IKBKB: variants seen among roughly 807,000 people sequenced by gnomAD.
IKBKB encodes the protein inhibitor of nuclear factor kappa B kinase subunit beta.
A neutral mutation model predicts 113.6 loss-of-function variants in IKBKB; 42 were observed. The ratio of observed to expected loss-of-function variants is 0.37; its 90% CI spans 0.29 to 0.48. The LOEUF (loss-of-function observed/expected upper bound fraction) is 0.48, where lower values mean the gene tolerates loss of function less well. Ranked by LOEUF, IKBKB falls within the 20% of genes least tolerant of loss-of-function variation. IKBKB has a pLI of 0.99. For synonymous variants in IKBKB, 296 were observed against 361.3 expected (o/e 0.82, Z 2.05); for missense variants, 673 against 939.7 (o/e 0.72, Z 3.71).
At chr8:42,328,260 T>TC (rs1821197549) in intron 20 of IKBKB, among the ~76,000 whole-genome samples, 1 of 151,570 alleles carries the variant, frequency 6.6e-6, no homozygotes, top group Non-Finnish European at 1.5e-5. Context: ...TTTTTTTTTT[T>TC]TTTTTTTTAA....
At chr8:42,280,686 T>C (rs1334752787) in intron 2 of IKBKB, among the ~76,000 whole-genome samples, 1 of 152,128 alleles carries the variant, frequency 6.6e-6, no homozygotes, top group Non-Finnish European at 1.5e-5. Context: ...GATATCATCA[T>C]GTTCTGTGTA....
chr8:42,326,034 C>T lies in IKBKB; in HGVS notation c.2051C>T (p.Pro684Leu). ...ATGAATGCCTCTCGACTTAGCCAGC[C>T]TGGGCAGCTGATGTCTCAGCCCTCC... Reference protein sequence around the residue: ...DSMNASRLSQPGQLMSQPSTA... With the variant: ...DSMNASRLSQLGQLMSQPSTA... The change falls in exon 20 of 22, where the codon CCT becomes CTT. Residue 684 changes from proline (P) to leucine (L), a missense_variant. By Grantham distance (98) the Pro-to-Leu change is moderately conservative (BLOSUM62 -3). This residue lies in a region of IKBKB where 506 missense variants were observed against 638.7 expected (regional missense o/e 0.79). Coordinates refer to ENST00000520810, the MANE Select transcript of IKBKB (RefSeq NM_001556.3). 1.2e-6 allele frequency: 2 copies of T among 1,614,254 alleles called. No individual in the cohort carries two copies. The highest frequency in any genetic ancestry group is 1.7e-6 in the Non-Finnish European group (2 of 1,180,044).
intron 15 of IKBKB, 34 bp downstream of exon 15, chr8:42,319,680 A>G (rs547064414): frequency 1.3e-6 from 2 of 1,535,746 alleles, no homozygotes; most frequent in Non-Finnish European, 1.8e-6. Flanking sequence ...GGAACTTACC[A>G]AGGGGGTGAG....
chr8:42,325,885 G>A (rs769748740), intron 19 of IKBKB, 85 bp from the exon 20 acceptor site: 8 of 1,574,498 alleles, frequency 5.1e-6, no homozygotes, highest in South Asian at 4.7e-5. Context: ...CAGCCAGCCA[G>A]TTGTCTCCTA....
intron 2 of IKBKB, among the ~76,000 whole-genome samples, chr8:42,274,219 G>A (rs2130021318): frequency 6.6e-6 from 1 of 152,070 alleles, no homozygotes; most frequent in African/African-American, 2.4e-5. Context: ...TAGTAGAAAT[G>A]GGGTTTCACC....
At chr8:42,319,952 G>T (rs1327395624) in intron 15 of IKBKB, 1 of 322,662 alleles carries the variant, frequency 3.1e-6, no homozygotes, top group Non-Finnish European at 5.6e-6. Flanking sequence ...GCATTGGATG[G>T]ATGATCAACA....
At chr8:42,305,126 G>T in intron 5 of IKBKB, 61 bp from the exon 6 acceptor site, 1 of 1,068,338 alleles carries the variant, frequency 9.4e-7, no homozygotes, top group South Asian at 1.3e-5. Flanking sequence ...TGCAGGATAG[G>T]AGATTCTGTC....
chr8:42,277,165 G>A (rs1414367004), intron 2 of IKBKB, among the ~76,000 whole-genome samples: 1 of 147,524 alleles, frequency 6.8e-6, no homozygotes, highest in Non-Finnish European at 1.5e-5. Context: ...CACCGCACCC[G>A]GCCACGTGTG....
At chr8:42,304,880 G>A (rs910742748) in intron 5 of IKBKB, among the ~76,000 whole-genome samples, 3 of 152,206 alleles carry the variant, frequency 2.0e-5, no homozygotes, top group Non-Finnish European at 1.5e-5. Flanking sequence ...GGTGGAGCCC[G>A]AGAATTTCAC....
rs1357337578 is a variant in IKBKB, at chr8:42,316,186, C to T, written c.801-24C>T. 1.9e-6 allele frequency: 3 copies of T among 1,612,294 alleles called. No homozygotes were observed. Among genetic ancestry groups the T allele is most frequent in the East Asian group, 2.2e-5 (1 of 44,880 alleles). ...CCAACATTGGCTGGAAGTGTCTCCT[C>T]ACACACTATGCTCCTCTCCACAGTG... On this transcript the variant is annotated intron_variant, in intron 9 of 21. Transcript: ENST00000520810. The surrounding 1 kb of genome is among the most constrained non-coding windows in gnomAD (Gnocchi z 4.5).
rs1819898099 is a variant in IKBKB, at chr8:42,322,167, C to T, written c.1838+14C>T. ...TACGCAGCTCAGGTATGAGCCCCGA[C>T]CTTCCTGCTCTGGAGGAAGGACTGG... is the stretch of plus-strand genomic sequence containing the variant. On this transcript the variant is annotated intron_variant, in intron 18 of 21. Transcript: ENST00000520810. The T allele has an allele frequency of 1.0e-5, 16 of 1,606,158 alleles. No individual in the cohort carries two copies. In the East Asian group the frequency reaches 2.5e-4, roughly 25 times the overall value.
chr8:42,309,017 C>T lies in IKBKB; in HGVS notation c.684C>T (p.Pro228=), dbSNP rs776369340. Residue 228 remains proline, a synonymous_variant, in exon 8 of 22, where the codon CCC becomes CCT. Coordinates refer to ENST00000520810, the MANE Select transcript of IKBKB (RefSeq NM_001556.3). ...GGCCCTTCCTCCCCAACTGGCAGCCCGTGCAGTGGTGAGTGGGCCCGGGGC... is the reference window on the plus strand; with the variant it reads ...GGCCCTTCCTCCCCAACTGGCAGCCTGTGCAGTGGTGAGTGGGCCCGGGGC... ...GFRPFLPNWQ[P]VQWHSKVRQK... The T allele has an allele frequency of 1.5e-5, 24 of 1,613,604 alleles. No individual in the cohort carries two copies. The highest frequency in any genetic ancestry group is 4.4e-5 in the South Asian group (4 of 91,044).
At chr8:42,308,751 C>T in intron 7 of IKBKB, 150 bp from the exon 8 acceptor site, 2 of 682,140 alleles carry the variant, frequency 2.9e-6, no homozygotes, top group South Asian at 3.6e-5. Context: ...ACCCGCTAAA[C>T]ATGCCTGGGG....
At chr8:42,306,212 C>T (rs1232894069) in intron 6 of IKBKB, 131 bp from the exon 7 acceptor site, 1 of 619,120 alleles carries the variant, frequency 1.6e-6, no homozygotes, top group African/African-American at 1.8e-5. Context: ...TCTGGTGGCT[C>T]TTAGGAGTTT....
intron 15 of IKBKB, 113 bp downstream of exon 15, chr8:42,319,759 C>T (rs1367458533): frequency 9.9e-6 from 9 of 910,016 alleles, no homozygotes; most frequent in Admixed American, 2.8e-5. Context: ...TCAGGTGTTC[C>T]TCACCATGCT....
chr8:42,325,467 T>A, intron 19 of IKBKB: 2 of 896,574 alleles, frequency 2.2e-6, no homozygotes, highest in Non-Finnish European at 2.7e-6. Flanking sequence ...TCACCTGAGG[T>A]CAGGAGTTCG....
intron 2 of IKBKB, among the ~76,000 whole-genome samples, chr8:42,284,636 T>C (rs1811040718): frequency 6.6e-6 from 1 of 151,536 alleles, no homozygotes; most frequent in Admixed American, 6.6e-5. Flanking sequence ...TTGGCTTTCA[T>C]TGAATTATGG....
chr8:42,314,276 C>T (rs773098892), intron 8 of IKBKB, 46 bp from the exon 9 acceptor site: 11 of 1,315,924 alleles, frequency 8.4e-6, no homozygotes, highest in Admixed American at 5.0e-5. Flanking sequence ...AATGTGTCCC[C>T]GTCATAGCAA....
At chr8:42,294,508 G>A (rs1269138170) in intron 5 of IKBKB, among the ~76,000 whole-genome samples, 3 of 152,204 alleles carry the variant, frequency 2.0e-5, no homozygotes, top group Non-Finnish European at 4.4e-5. Context: ...TCTTGCTAGT[G>A]TGGGTCTGGT....
Sources: gnomAD v4.1 joint callset for allele counts (sites outside exome capture counted in the v4.1 genomes callset) on GRCh38, gnomAD v4.1.1 for gene constraint, gnomAD v4.1.1 regional missense constraint, Gnocchi (gnomAD v3.1) non-coding constraint, MANE v1.5 for transcripts, NCBI Gene and HGNC (gene_info 2026-07-23, HGNC 2026-07-21) for gene names.